Variants in POLN observed in about 807,000 individuals in gnomAD.
POLN encodes the protein DNA polymerase nu, also known as DNA polymerase N.
In POLN, 108 loss-of-function variants were observed where a neutral mutation model predicts 113.5. The ratio of observed to expected loss-of-function variants is 0.95; its 90% CI spans 0.81 to 1.12. The LOEUF is 1.12. Among genes scored for constraint, POLN ranks in the 50% most tolerant of loss-of-function variants. The pLI, the probability that POLN is intolerant of heterozygous loss-of-function variation, is 0.00. For missense variants in POLN, 1,097 were observed against 1,077.1 expected (o/e 1.02, Z -0.26); for synonymous variants, 386 against 391.5 (o/e 0.99, Z 0.17).
intron 13 of POLN, 95 bp downstream of exon 13, chr4:2,170,584 G>T (rs776190072): frequency 9.5e-7 from 1 of 1,052,742 alleles, no homozygotes; most frequent in African/African-American, 1.6e-5. Flanking sequence ...ATGAGGGGAC[G>T]GCCTGAGAGT....
At chr4:2,230,975 C>T (rs1164008078) in intron 2 of POLN, 2 of 152,158 alleles carry the variant, frequency 1.3e-5, no homozygotes, top group East Asian at 1.9e-4. Flanking sequence ...ACCACTTTTA[C>T]AGAATTTTGA....
chr4:2,184,107 G>A lies in POLN; in HGVS notation c.1022-4642C>T, dbSNP rs369279974. ...GACCTCAGGTGATCCACTCGTCTCC[G>A]CCTCCCAAAGTGCTGGGATTACAGA... On this transcript the variant is annotated intron_variant, in intron 7 of 25. Transcript: ENST00000511885. Among the ~76,000 whole-genome samples the A allele has an allele frequency of 5.3e-5, 8 of 150,080 alleles. No homozygotes were observed. In the East Asian group the frequency reaches 5.8e-4, roughly 11 times the overall value.
At chr4:2,170,597 C>T (rs943498765) in intron 13 of POLN, 82 bp downstream of exon 13, 3 of 1,210,124 alleles carry the variant, frequency 2.5e-6, no homozygotes, top group Non-Finnish European at 3.6e-6. Context: ...CTGAGAGTCT[C>T]GGGTGGGTCT....
chr4:2,101,851 C>T (rs1044680242), intron 19 of POLN, among the ~76,000 whole-genome samples: 2 of 152,298 alleles, frequency 1.3e-5, no homozygotes, highest in African/African-American at 2.4e-5. Flanking sequence ...CTGAGCAGGA[C>T]GAGAGTAGCT....
At chr4:2,189,890 T>C (rs1733395486) in intron 7 of POLN, among the ~76,000 whole-genome samples, 1 of 151,740 alleles carries the variant, frequency 6.6e-6, no homozygotes, top group Non-Finnish European at 1.5e-5. Context: ...TTAGGTGTGG[T>C]GGCGAGTGCC....
intron 19 of POLN, among the ~76,000 whole-genome samples, chr4:2,102,729 T>C (rs1457346832): frequency 3.9e-5 from 6 of 152,122 alleles, no homozygotes; most frequent in Admixed American, 1.3e-4. Context: ...CATCTGGCAT[T>C]TTAGTCCCCA....
intron 20 of POLN, among the ~76,000 whole-genome samples, chr4:2,092,816 A>C (rs1372381897): frequency 6.6e-6 from 1 of 152,248 alleles, no homozygotes; most frequent in East Asian, 1.9e-4. Flanking sequence ...AAAGCGCCCC[A>C]GCAGCCTGGG....
At chr4:2,151,742 C>A (rs1037276731) in intron 16 of POLN, among the ~76,000 whole-genome samples, 1 of 152,156 alleles carries the variant, frequency 6.6e-6, no homozygotes, top group Non-Finnish European at 1.5e-5. Flanking sequence ...TGGCTCCATT[C>A]ACAGAGGTTT....
intron 6 of POLN, among the ~76,000 whole-genome samples, chr4:2,196,192 A>G (rs555860903): frequency 6.6e-6 from 1 of 152,346 alleles, no homozygotes; most frequent in East Asian, 1.9e-4. Context: ...ACATACGTAT[A>G]CTAAGAAATT....
chr4:2,086,416 C>T (rs761443250), intron 20 of POLN, among the ~76,000 whole-genome samples: 55 of 152,190 alleles, frequency 3.6e-4, no homozygotes, highest in Non-Finnish European at 7.2e-4. Context: ...TGGGCCCTGT[C>T]CCACCAGGAG....
Position 2,216,096 on chromosome 4 carries a change from A to T in POLN, c.134-2970T>A, listed in dbSNP as rs1734106398. 1.3e-5 allele frequency among the ~76,000 whole-genome samples: 2 copies of T among 152,202 alleles called. 1 individual carries two copies. Among genetic ancestry groups the T allele is most frequent in the South Asian group, 4.1e-4 (2 of 4,832 alleles). On this transcript the variant is annotated intron_variant, in intron 3 of 25. Transcript: ENST00000511885. ...CTTCCCTGCCCCCAGTTATGTAGTAACAGCTCTACCTCCACCTGACGCCCA... is the reference window on the plus strand; with the variant it reads ...CTTCCCTGCCCCCAGTTATGTAGTATCAGCTCTACCTCCACCTGACGCCCA...
chr4:2,104,462 C>T (rs533012770), intron 19 of POLN, among the ~76,000 whole-genome samples: 115 of 152,290 alleles, frequency 7.6e-4, no homozygotes, highest in African/African-American at 2.6e-3. Flanking sequence ...TGAAGAACTA[C>T]CAGACTGTTT....
intron 20 of POLN, chr4:2,089,756 AC>A (rs1158522169): frequency 4.3e-6 from 3 of 705,016 alleles, no homozygotes; most frequent in Non-Finnish European, 7.2e-6. Context: ...ATCATTATGG[AC>A]TTTAAATCTG....
chr4:2,171,071 T>A, intron 12 of POLN, 27 bp downstream of exon 12: 1 of 1,574,634 alleles, frequency 6.4e-7, no homozygotes, highest in Non-Finnish European at 8.7e-7. Context: ...AAATACATTT[T>A]ATGAAAGAAC....
intron 5 of POLN, among the ~76,000 whole-genome samples, chr4:2,202,303 C>T (rs562130880): frequency 6.6e-6 from 1 of 152,188 alleles, no homozygotes; most frequent in East Asian, 1.9e-4. Context: ...AAGAGACTCA[C>T]CTAACACATA....
chr4:2,096,179 T>C (rs774384571), intron 19 of POLN, among the ~76,000 whole-genome samples: 1 of 152,184 alleles, frequency 6.6e-6, no homozygotes, highest in Non-Finnish European at 1.5e-5. Flanking sequence ...CGTTCCCAGG[T>C]GTCCACAAAT....
chr4:2,204,109 C>CAAAAAAA (rs566255148), intron 5 of POLN, among the ~76,000 whole-genome samples: 90 of 53,088 alleles, frequency 1.7e-3, no homozygotes, highest in Non-Finnish European at 2.3e-3. Flanking sequence ...AACTCTATCA[C>CAAAAAAA]AAAAAAAAAA....
At chr4:2,104,505 T>C (rs890250450) in intron 19 of POLN, among the ~76,000 whole-genome samples, 1 of 152,192 alleles carries the variant, frequency 6.6e-6, no homozygotes, top group Admixed American at 6.5e-5. Flanking sequence ...CCAATGGCAA[T>C]GGATGAGGGT....
At chr4:2,110,811 A>G (rs1731175264) in intron 19 of POLN, among the ~76,000 whole-genome samples, 1 of 152,238 alleles carries the variant, frequency 6.6e-6, no homozygotes, top group Admixed American at 6.5e-5. Flanking sequence ...TATCAGAGGT[A>G]CAAGAAGGAG....
Sources: gnomAD v4.1 joint callset for allele counts (sites outside exome capture counted in the v4.1 genomes callset) on GRCh38, gnomAD v4.1.1 for gene constraint, MANE v1.5 for transcripts, NCBI Gene and HGNC (gene_info 2026-07-23, HGNC 2026-07-21) for gene names.